The following NLRP5 variants were observed in gnomAD, a reference collection of about 807,000 sequenced individuals.
The protein encoded by NLRP5 is NACHT, LRR and PYD domains-containing protein 5.
A neutral mutation model predicts 113.1 loss-of-function variants in NLRP5; 93 were observed. The ratio of observed to expected loss-of-function variants is 0.82; its 90% CI spans 0.70 to 0.98. The LOEUF (loss-of-function observed/expected upper bound fraction) is 0.98, where lower values mean the gene tolerates loss of function less well. Among genes scored for constraint, NLRP5 ranks in the 50% least tolerant of loss-of-function variants. The pLI is 0.00. For synonymous variants in NLRP5, 751 were observed against 600.7 expected, an observed-to-expected ratio of 1.25 and a Z score of -3.66; for missense variants, 1,808 against 1,514.3, an observed-to-expected ratio of 1.19 and a Z score of -3.22.
chr19:56,051,503 T>C (rs1983931022), intron 12 of NLRP5, among the ~76,000 whole-genome samples: 1 of 152,168 alleles, frequency 6.6e-6, no homozygotes, highest in South Asian at 2.1e-4. Context: ...AAGCACTTAA[T>C]GCATTCTTAA....
the NLRP5 span, among the ~76,000 whole-genome samples, chr19:55,991,317 A>G: frequency 6.6e-6 from 1 of 152,218 alleles, no homozygotes; most frequent in Admixed American, 6.5e-5. Context: ...TGCAGCCTAG[A>G]CATCAACAGA....
chr19:56,029,648 A>T (rs1480179325), intron 7 of NLRP5, among the ~76,000 whole-genome samples: 6 of 152,204 alleles, frequency 3.9e-5, no homozygotes, highest in Non-Finnish European at 8.8e-5. Flanking sequence ...GGACTGTCTC[A>T]GTGTCATCCT....
intron 11 of NLRP5, among the ~76,000 whole-genome samples, chr19:56,041,694 C>A (rs921010438): frequency 1.3e-5 from 2 of 152,064 alleles, no homozygotes; most frequent in Non-Finnish European, 2.9e-5. Context: ...ACACCTGTAA[C>A]CCCAGCACTT....
chr19:56,001,602 G>A (rs865942519), intron 1 of NLRP5, among the ~76,000 whole-genome samples: 2 of 152,170 alleles, frequency 1.3e-5, no homozygotes, highest in African/African-American at 2.4e-5. Context: ...GGTCAAGGGA[G>A]TATAAAGCAG....
At chr19:56,054,726 G>A (rs907197823) in intron 13 of NLRP5, among the ~76,000 whole-genome samples, 1 of 152,108 alleles carries the variant, frequency 6.6e-6, no homozygotes, top group Non-Finnish European at 1.5e-5. Flanking sequence ...AAAGTAGAGG[G>A]GTTGTCATGG....
intron 3 of NLRP5, 78 bp downstream of exon 3, chr19:56,008,931 A>G (rs1825201962): frequency 8.1e-7 from 1 of 1,240,276 alleles, no homozygotes. Flanking sequence ...AGGCATTAGA[A>G]CCATGACTTC....
the NLRP5 span, among the ~76,000 whole-genome samples, chr19:55,991,162 C>G: frequency 6.6e-6 from 1 of 152,124 alleles, no homozygotes; most frequent in Non-Finnish European, 1.5e-5. Context: ...AATCTGTCAT[C>G]TTGTCTCTTT....
At chr19:56,020,216 C>T (rs932312815) in intron 5 of NLRP5, among the ~76,000 whole-genome samples, 159 bp from the exon 6 acceptor site, 2 of 151,916 alleles carry the variant, frequency 1.3e-5, no homozygotes, top group African/African-American at 2.4e-5. Context: ...AATTAGTGCT[C>T]ATTGTACCAG....
chr19:55,987,755 G>A, the NLRP5 span: 24 of 1,243,644 alleles, frequency 1.9e-5, no homozygotes, highest in East Asian at 4.9e-4. Context: ...CAAGCTTAGG[G>A]AAGTCACTCA....
intron 2 of NLRP5, among the ~76,000 whole-genome samples, chr19:56,005,024 G>A (rs1485643734): frequency 6.6e-6 from 1 of 150,448 alleles, no homozygotes; most frequent in Admixed American, 6.7e-5. Flanking sequence ...AATCCGGGAG[G>A]CAGAGGTTGC....
intron 11 of NLRP5, among the ~76,000 whole-genome samples, chr19:56,042,319 G>C (rs1208377662): frequency 6.6e-6 from 1 of 152,074 alleles, no homozygotes; most frequent in Non-Finnish European, 1.5e-5. Flanking sequence ...AAAGTTATTG[G>C]GGTACAGGTG....
intron 3 of NLRP5, among the ~76,000 whole-genome samples, chr19:56,012,180 G>A (rs973158870): frequency 6.6e-6 from 1 of 151,752 alleles, no homozygotes; most frequent in East Asian, 1.9e-4. Flanking sequence ...ACAGAGTCTC[G>A]CTCTGTCGCC....
chr19:56,015,914 C>T (rs925027699), intron 4 of NLRP5, 116 bp downstream of exon 4: 1 of 718,714 alleles, frequency 1.4e-6, no homozygotes, highest in Non-Finnish European at 2.2e-6. Flanking sequence ...CCTCATTTGT[C>T]TCTGGTGTGT....
intron 6 of NLRP5, 100 bp from the exon 7 acceptor site, chr19:56,026,813 T>G: frequency 1.3e-5 from 16 of 1,231,382 alleles, no homozygotes; most frequent in Non-Finnish European, 1.8e-5. Context: ...TGACCTCAGG[T>G]GATATGCCCA....
intron 2 of NLRP5, among the ~76,000 whole-genome samples, chr19:56,004,836 T>C (rs1193003924): frequency 2.0e-5 from 3 of 152,064 alleles, no homozygotes; most frequent in South Asian, 2.1e-4. Context: ...CTCATGGCTG[T>C]GATCCCAGCA....
chr19:56,027,467 G>A lies in NLRP5; in HGVS notation c.1234G>A (p.Val412Met), dbSNP rs747423013. Residue 412 changes from valine (V) to methionine (M), a missense_variant, in exon 7 of 15, where the codon GTG (valine) becomes ATG (methionine). By Grantham distance (21) the Val-to-Met change is conservative (BLOSUM62 1). Transcript: ENST00000390649. ...CTTCCTGATCGTCACCGTCAGAGACGTGGGCACAGAGAAGCTCAAGTCAGA... is the reference window on the plus strand; with the variant it reads ...CTTCCTGATCGTCACCGTCAGAGACATGGGCACAGAGAAGCTCAAGTCAGA... The A allele has an allele frequency of 1.1e-5, 18 of 1,613,714 alleles. No homozygotes were observed. Among genetic ancestry groups the A allele is most frequent in the Admixed American group, 5.0e-5 (3 of 59,956 alleles).
intron 6 of NLRP5, among the ~76,000 whole-genome samples, chr19:56,021,017 GCC>G (rs1982593755): frequency 6.6e-6 from 1 of 151,756 alleles, no homozygotes; most frequent in African/African-American, 2.4e-5. Flanking sequence ...GGGATTACAG[GCC>G]TGCCACCATG....
chr19:56,024,714 C>G (rs143927105), intron 6 of NLRP5, among the ~76,000 whole-genome samples: 1 of 151,380 alleles, frequency 6.6e-6, no homozygotes, highest in East Asian at 1.9e-4. Context: ...GCCAAGATCA[C>G]GCTGCTGCAC....
chr19:56,014,557 C>G (rs1982333472), intron 3 of NLRP5, among the ~76,000 whole-genome samples: 1 of 151,652 alleles, frequency 6.6e-6, no homozygotes, highest in African/African-American at 2.4e-5. Context: ...TTTGTAGTTA[C>G]AGCTCTTAAA....
Sources: allele counts gnomAD v4.1 joint callset (sites outside exome capture counted in the v4.1 genomes callset), GRCh38; gene constraint gnomAD v4.1.1; transcripts MANE v1.5; gene names NCBI Gene and HGNC (gene_info 2026-07-23, HGNC 2026-07-21).